Variants in FCHO2 observed in about 807,000 individuals in gnomAD.
FCHO2 encodes F-BAR domain only protein 2.
In FCHO2, 43 loss-of-function variants were observed where a neutral mutation model predicts 114.1. The observed-to-expected ratio is 0.38, with a 90% CI of 0.30 to 0.49. The LOEUF (loss-of-function observed/expected upper bound fraction) is 0.49, where lower values mean the gene tolerates loss of function less well. Among genes scored for constraint, FCHO2 ranks in the 20% least tolerant of loss-of-function variants. FCHO2 has a pLI of 0.97. For missense variants in FCHO2, 807 were observed against 950.4 expected (o/e 0.85, Z 1.98); for synonymous variants, 293 against 315.2 (o/e 0.93, Z 0.75).
chr5:73,087,930 C>G (rs1361763470), intron 25 of FCHO2, 138 bp from the exon 26 acceptor site: 28 of 1,391,680 alleles, frequency 2.0e-5, no homozygotes, highest in Middle Eastern at 1.8e-4. Context: ...GTCAGTATAG[C>G]TGAACACCTG....
In FCHO2 at chr5:73,089,815, T is replaced by C. The variant is rs1398120928; in HGVS notation, c.*1725T>C. On this transcript the variant is annotated 3_prime_UTR_variant, in exon 26 of 26. Transcript: ENST00000430046. ...CTCTTTAGCAATATATAACACAGTA[T>C]ATGCTTTTTTATATATTCAATGTTA... is the stretch of plus-strand genomic sequence containing the variant. 2 of 152,564 alleles carry C rather than the reference T, an allele frequency of 1.3e-5. No individual in the cohort carries two copies. The highest frequency in any genetic ancestry group is 2.9e-5 in the Non-Finnish European group (2 of 67,964). 9.5% of individuals were successfully genotyped at this position (152,564 alleles called of 1,614,324 possible). A position where few individuals can be genotyped will look rare whatever the true frequency, so the allele number is the denominator to read the frequency against.
At chr5:72,991,388 C>CAGTG (rs1224323781) in intron 5 of FCHO2, among the ~76,000 whole-genome samples, 2 of 152,284 alleles carry the variant, frequency 1.3e-5, no homozygotes, top group East Asian at 3.9e-4. Context: ...TTTTAAATGT[C>CAGTG]AGTGACACAT....
chr5:72,995,868 C>T (rs62360758), intron 5 of FCHO2, among the ~76,000 whole-genome samples: 17,886 of 152,022 alleles, frequency 0.12, 1,269 homozygotes, highest in Non-Finnish European at 0.17. Flanking sequence ...CTCTCAATAC[C>T]GTCACATTGG....
intron 2 of FCHO2, 24 bp downstream of exon 2, chr5:72,968,613 T>C: frequency 1.4e-6 from 2 of 1,442,002 alleles, no homozygotes; most frequent in Non-Finnish European, 1.8e-6. Context: ...AAATAAGTAA[T>C]TTGTTTAACA....
At chr5:73,003,683 T>C (rs1353289276) in intron 5 of FCHO2, among the ~76,000 whole-genome samples, 2 of 151,890 alleles carry the variant, frequency 1.3e-5, no homozygotes, top group Admixed American at 6.6e-5. Flanking sequence ...CAGGATGAGG[T>C]ATTAGGAACA....
rs763760411 is a variant in FCHO2, at chr5:73,037,134, A to C, written c.842-9A>C. ...TATGTTTCTGTAACAATATATATTT[A>C]TTTTAAAGGTATAAAACCAAGGAAA... On this transcript the variant is annotated splice_polypyrimidine_tract_variant and intron_variant, in intron 9 of 25. Coordinates refer to ENST00000430046, the MANE Select transcript of FCHO2 (RefSeq NM_138782.3). The C allele has an allele frequency of 1.3e-6, 2 of 1,507,748 alleles. No individual in the cohort carries two copies. The highest frequency in any genetic ancestry group is 1.8e-6 in the Non-Finnish European group (2 of 1,110,124). The allele number at this position is 1,507,748 out of a possible 1,614,324, so 93.4% of individuals were successfully genotyped here. A position where few individuals can be genotyped will look rare whatever the true frequency, so the allele number is the denominator to read the frequency against.
At chr5:73,031,259 C>T (rs925278815) in intron 8 of FCHO2, among the ~76,000 whole-genome samples, 1 of 152,186 alleles carries the variant, frequency 6.6e-6, no homozygotes, top group Admixed American at 6.5e-5. Flanking sequence ...CTCATGCACA[C>T]ATGCACACAC....
chr5:73,069,047 G>A (rs1250197433), intron 19 of FCHO2, among the ~76,000 whole-genome samples: 1 of 152,034 alleles, frequency 6.6e-6, no homozygotes, highest in Non-Finnish European at 1.5e-5. Flanking sequence ...ATAGTTGAAG[G>A]CAAAACAAAA....
intron 8 of FCHO2, among the ~76,000 whole-genome samples, chr5:73,026,617 A>C (rs140357010): frequency 3.4e-4 from 52 of 152,028 alleles, no homozygotes; most frequent in Non-Finnish European, 6.9e-4. Context: ...AGCATTACAA[A>C]TTTTTTTCTA....
At chr5:72,996,859 T>A in intron 5 of FCHO2, 1 of 1,213,460 alleles carries the variant, frequency 8.2e-7, no homozygotes, top group South Asian at 1.3e-5. Context: ...GGCGGAGCTG[T>A]GCCACGGGGG....
At chr5:72,997,247 C>T (rs1158710819) in intron 5 of FCHO2, 4 of 1,159,960 alleles carry the variant, frequency 3.4e-6, no homozygotes, top group Non-Finnish European at 5.2e-6. Flanking sequence ...TTAGAGGCCC[C>T]ATGTGGATTT....
At chr5:73,064,756 A>C (rs894514813) in intron 18 of FCHO2, among the ~76,000 whole-genome samples, 3 of 151,974 alleles carry the variant, frequency 2.0e-5, no homozygotes, top group Admixed American at 2.0e-4. Context: ...TTCCTTAAAC[A>C]CATCATGGTC....
At chr5:72,958,594 G>A (rs1381501116) in intron 1 of FCHO2, among the ~76,000 whole-genome samples, 1 of 152,116 alleles carries the variant, frequency 6.6e-6, no homozygotes, top group East Asian at 1.9e-4. Flanking sequence ...TTACAAATTT[G>A]TTTTGTATAG....
intron 1 of FCHO2, among the ~76,000 whole-genome samples, chr5:72,968,220 G>A (rs1580006353): frequency 6.6e-6 from 1 of 152,048 alleles, no homozygotes; most frequent in Non-Finnish European, 1.5e-5. Flanking sequence ...CACCACACCC[G>A]GTCACAACTT....
intron 3 of FCHO2, among the ~76,000 whole-genome samples, chr5:72,989,709 T>A (rs532319006): frequency 2.0e-5 from 3 of 152,324 alleles, no homozygotes; most frequent in Admixed American, 6.5e-5. Flanking sequence ...AAATGAAATT[T>A]ATTTTTTCCC....
Position 73,078,211 on chromosome 5 carries a change from G to A in FCHO2, c.1879G>A (p.Asp627Asn). Reference sequence around the variant, plus strand: ...ATCACAATGTGATTCCAACACAAAAGATTTTTGGATGAACATGCAAGCTGT... The same window carrying A: ...ATCACAATGTGATTCCAACACAAAAAATTTTTGGATGAACATGCAAGCTGT... ...DPSQCDSNTK[D>N]FWMNMQAVTV... The change falls in exon 22 of 26, where the codon GAT becomes AAT. Residue 627 changes from aspartate to asparagine, a missense_variant. Asp to Asn is a conservative substitution (Grantham distance 23, BLOSUM62 1). Transcript: ENST00000430046. The A allele has an allele frequency of 6.3e-7, 1 of 1,575,326 alleles. No individual in the cohort carries two copies. The highest frequency in any genetic ancestry group is 8.6e-7 in the Non-Finnish European group (1 of 1,160,870).
At chr5:73,003,824 A>G (rs1754571691) in intron 5 of FCHO2, among the ~76,000 whole-genome samples, 1 of 151,836 alleles carries the variant, frequency 6.6e-6, no homozygotes, top group Admixed American at 6.6e-5. Context: ...CGTGTGGATC[A>G]TTTGAGTTCA....
At chr5:73,027,913 A>G (rs1357770874) in intron 8 of FCHO2, among the ~76,000 whole-genome samples, 1 of 152,194 alleles carries the variant, frequency 6.6e-6, no homozygotes. Context: ...GGCTGACTAT[A>G]CCAGCCAGGC....
chr5:73,074,947 T>C, intron 20 of FCHO2, 94 bp downstream of exon 20: 1 of 988,628 alleles, frequency 1.0e-6, no homozygotes, highest in South Asian at 1.8e-5. Flanking sequence ...AATTACATTT[T>C]GATTCTGTGT....
Sources: gnomAD v4.1 joint callset for allele counts (sites outside exome capture counted in the v4.1 genomes callset) on GRCh38, gnomAD v4.1.1 for gene constraint, MANE v1.5 for transcripts, NCBI Gene and HGNC (gene_info 2026-07-23, HGNC 2026-07-21) for gene names.